C1QA: variants seen among roughly 807,000 people sequenced by gnomAD.
The protein encoded by C1QA is complement C1q A chain.
C1QA carries 3 observed loss-of-function variants against 6.9 expected under a neutral mutation model. The ratio of observed to expected loss-of-function variants is 0.44; its 90% confidence interval spans 0.20 to 1.12. The LOEUF (loss-of-function observed/expected upper bound fraction) is 1.12, where lower values mean the gene tolerates loss of function less well. Among genes scored for constraint, C1QA ranks in the 50% most tolerant of loss-of-function variants. C1QA has a pLI of 0.27. For synonymous variants in C1QA, 128 were observed against 134.1 expected (o/e 0.95, Z 0.31); for missense variants, 273 against 326.6 (o/e 0.84, Z 1.26).
At position 22,639,069 on chromosome 1, in the gene C1QA, G is replaced by A. The variant is rs774674695; in HGVS notation, c.400G>A (p.Asp134Asn). ...AATGGGGGGCAACGTGGTCATCTTCGACACGGTCATCACCAACCAGGAAGA... is the reference window on the plus strand; with the variant it reads ...AATGGGGGGCAACGTGGTCATCTTCAACACGGTCATCACCAACCAGGAAGA... ...PPMGGNVVIF[D>N]TVITNQEEPY... is the part of the protein sequence containing the mutation. The change falls in exon 3 of 3, where the codon GAC becomes AAC. Residue 134 changes from aspartate (D) to asparagine (N), a missense_variant. Physicochemically the swap from Asp to Asn is conservative, Grantham distance 23. Transcript: ENST00000374642. This position sits in a 1 kb window ranked among gnomAD's most constrained non-coding sequence, Gnocchi z 4.6. 1.3e-5 allele frequency: 21 copies of A among 1,614,132 alleles called. No homozygotes were observed. Among genetic ancestry groups the A allele is most frequent in the Non-Finnish European group, 1.7e-5 (20 of 1,180,056 alleles).
rs774041017 is a variant in C1QA at position 22,638,811 on chromosome 1, A to C, written c.164-22A>C. 8 of 1,564,064 alleles carry C rather than the reference A, an allele frequency of 5.1e-6. No individual in the cohort carries two copies. The South Asian group carries it at 9.4e-5, about 18-fold the overall frequency. ...CAGTAGGCATTGGACTCTCACTTCCAATCTGGCATTTCTCCCCACAGGGGC... is the reference window on the plus strand; with the variant it reads ...CAGTAGGCATTGGACTCTCACTTCCCATCTGGCATTTCTCCCCACAGGGGC... On this transcript the variant is annotated intron_variant, in intron 2 of 2. Transcript: ENST00000374642.
In C1QA at chr1:22,639,587, A is replaced by C; in HGVS notation, c.*180A>C. 2 of 656,402 alleles carry C rather than the reference A, an allele frequency of 3.0e-6. No homozygotes were observed. The highest frequency in any genetic ancestry group is 5.2e-6 in the Non-Finnish European group (2 of 385,194). The allele number at this position is 656,402 out of a possible 1,614,324, so 40.7% of individuals were successfully genotyped here. Reference sequence around the variant, plus strand: ...TCTTAGACCTCTTCCTGGAATAAACATCTGTGTCTGTGTCTGCTGAACATG... The same window carrying C: ...TCTTAGACCTCTTCCTGGAATAAACCTCTGTGTCTGTGTCTGCTGAACATG... On this transcript the variant is annotated 3_prime_UTR_variant, in exon 3 of 3. Transcript: ENST00000374642. The surrounding 1 kb of genome is among the most constrained non-coding windows in gnomAD (Gnocchi z 4.6).
Position 22,637,173 on chromosome 1 carries a change from GTTAA to G in C1QA, c.-7-432_-7-429del, listed in dbSNP as rs1642193299. 6.6e-6 allele frequency among the ~76,000 whole-genome samples: 1 copy of G among 152,220 alleles called. No homozygotes were observed. Among genetic ancestry groups the G allele is most frequent in the South Asian group, 2.1e-4 (1 of 4,834 alleles). On this transcript the variant is annotated intron_variant, in intron 1 of 2. Coordinates refer to ENST00000374642, the MANE Select transcript of C1QA (RefSeq NM_015991.4). The surrounding 1 kb of genome is among the most constrained non-coding windows in gnomAD (Gnocchi z 4.4). ...AGCTCCACCATCTGGGTGAGCCAGTGTTAATTAAATAAGGAGCAGGCGCTCAATA... is the reference window on the plus strand; with the variant it reads ...AGCTCCACCATCTGGGTGAGCCAGTGTTAAATAAGGAGCAGGCGCTCAATA...
rs201074672 is a variant in C1QA at position 22,637,632 on chromosome 1, G to A, written c.16G>A (p.Gly6Arg). The A allele has an allele frequency of 2.2e-5, 35 of 1,614,112 alleles. No homozygotes were observed. The Admixed American group carries it at 5.8e-4, about 27-fold the overall frequency. The part of the protein sequence containing the change: MEGPR[G>R]WLVLCVLAIS... ...CAGAGGCATCATGGAGGGTCCCCGG[G>A]GATGGCTGGTGCTCTGTGTGCTGGC... Residue 6 changes from glycine to arginine, a missense_variant, in exon 2 of 3, where the codon GGA becomes AGA. Physicochemically the swap from Gly to Arg is moderately radical, Grantham distance 125. Transcript: ENST00000374642. This position sits in a 1 kb window ranked among gnomAD's most constrained non-coding sequence, Gnocchi z 4.4.
chr1:22,638,005 G>A (rs1178354642), intron 2 of C1QA, among the ~76,000 whole-genome samples: 2 of 152,134 alleles, frequency 1.3e-5, no homozygotes, highest in Admixed American at 6.5e-5. Context: ...CTCTTTCTTC[G>A]GCTTCACCTT....
chr1:22,637,493 G>T lies in C1QA; in HGVS notation c.-7-117G>T. 7.7e-7 allele frequency: 1 copy of T among 1,292,230 alleles called. No individual in the cohort carries two copies. Among genetic ancestry groups the T allele is most frequent in the Middle Eastern group, 2.2e-4 (1 of 4,494 alleles). The allele number at this position is 1,292,230 out of a possible 1,614,324, so 80.0% of individuals were successfully genotyped here. The stretch of plus-strand genomic sequence containing the variant: ...AGAGTGGACATTGAGAGCCCCAGAG[G>T]GTGCATGTGCACTTGGGGAGGACTG... On this transcript the variant is annotated intron_variant, in intron 1 of 2. Transcript: ENST00000374642. The surrounding 1 kb of genome is among the most constrained non-coding windows in gnomAD (Gnocchi z 4.4).
chr1:22,639,040 C>G lies in C1QA; in HGVS notation c.371C>G (p.Pro124Arg). The change falls in exon 3 of 3, where the codon CCC becomes CGC. Residue 124 changes from proline (P) to arginine (R), a missense_variant. Physicochemically the swap from Pro to Arg is moderately radical, Grantham distance 103. Transcript: ENST00000374642. This position sits in a 1 kb window ranked among gnomAD's most constrained non-coding sequence, Gnocchi z 4.6. ...RPAFSAIRRNPPMGGNVVIFD... is the reference protein window; with the variant it reads ...RPAFSAIRRNRPMGGNVVIFD... ...GCCTTCTCCGCCATTCGGCGGAACC[C>G]CCCAATGGGGGGCAACGTGGTCATC... is the stretch of plus-strand genomic sequence containing the variant. 1 of 1,614,222 alleles carries G rather than the reference C, an allele frequency of 6.2e-7. No homozygotes were observed. Among genetic ancestry groups the G allele is most frequent in the Non-Finnish European group, 8.5e-7 (1 of 1,180,030 alleles).
In C1QA at chr1:22,638,847, C is replaced by T. The variant is rs748582147; in HGVS notation, c.178C>T (p.Arg60Trp). Residue 60 changes from arginine to tryptophan, a missense_variant, in exon 3 of 3, where the codon CGG becomes TGG. Physicochemically the swap from Arg to Trp is moderately radical, Grantham distance 101 (BLOSUM62 -3). Transcript: ENST00000374642. ...TCTCCCCACAGGGGCCCCTGGCATCCGGACAGGCATCCAAGGCCTTAAAGG... is the reference window on the plus strand; with the variant it reads ...TCTCCCCACAGGGGCCCCTGGCATCTGGACAGGCATCCAAGGCCTTAAAGG... ...EQGEPGAPGIRTGIQGLKGDQ... is the reference protein window; with the variant it reads ...EQGEPGAPGIWTGIQGLKGDQ... 1.9e-4 allele frequency: 309 copies of T among 1,586,430 alleles called. No homozygotes were observed. The highest frequency in any genetic ancestry group is 2.5e-4 in the Non-Finnish European group (294 of 1,167,080).
At position 22,639,042 on chromosome 1, in the gene C1QA, C is replaced by G. The variant is rs746607173; in HGVS notation, c.373C>G (p.Pro125Ala). 3 of 1,614,240 alleles carry G rather than the reference C, an allele frequency of 1.9e-6. No individual in the cohort carries two copies. Among genetic ancestry groups the G allele is most frequent in the East Asian group, 2.2e-5 (1 of 44,874 alleles). Residue 125 changes from proline to alanine, a missense_variant, in exon 3 of 3, where the codon CCA (proline) becomes GCA (alanine). Physicochemically the swap from Pro to Ala is conservative, Grantham distance 27 (BLOSUM62 -1). Transcript: ENST00000374642. This position sits in a 1 kb window ranked among gnomAD's most constrained non-coding sequence, Gnocchi z 4.6. ...CTTCTCCGCCATTCGGCGGAACCCC[C>G]CAATGGGGGGCAACGTGGTCATCTT... ...PAFSAIRRNP[P>A]MGGNVVIFDT...
Position 22,639,478 on chromosome 1 carries a change from T to C in C1QA, c.*71T>C, listed in dbSNP as rs17883533. 964 of 1,549,452 alleles carry C rather than the reference T, an allele frequency of 6.2e-4. 2 individuals are homozygous for C. In the African/African-American group the frequency reaches 0.012, roughly 19 times the overall value. ...CTCCGCCTGTAAAATGGGGGCGCTA[T>C]TGCTTCAGCTGCTGAAGGGAGGGGG... On this transcript the variant is annotated 3_prime_UTR_variant, in exon 3 of 3. Coordinates refer to ENST00000374642, the MANE Select transcript of C1QA (RefSeq NM_015991.4). The surrounding 1 kb of genome is among the most constrained non-coding windows in gnomAD (Gnocchi z 4.6).
Position 22,636,649 on chromosome 1 carries a change from G to C in C1QA, c.-61G>C, listed in dbSNP as rs1009867895. On this transcript the variant is annotated 5_prime_UTR_variant, in exon 1 of 3. Coordinates refer to ENST00000374642, the MANE Select transcript of C1QA (RefSeq NM_015991.4). The stretch of plus-strand genomic sequence containing the variant: ...AGCCACTCCTGCTGGGCAGCCCACA[G>C]GGTCCCTGGGCGGAGGGCAGGAGCA... 6.6e-6 allele frequency: 1 copy of C among 152,492 alleles called. No homozygotes were observed. The highest frequency in any genetic ancestry group is 2.4e-5 in the African/African-American group (1 of 41,482). The allele number at this position is 152,492 out of a possible 1,614,324, so 9.4% of individuals were successfully genotyped here.
Position 22,639,599 on chromosome 1 carries a change from G to A in C1QA, c.*192G>A, listed in dbSNP as rs1356617251. On this transcript the variant is annotated 3_prime_UTR_variant, in exon 3 of 3. Transcript: ENST00000374642. The surrounding 1 kb of genome is among the most constrained non-coding windows in gnomAD (Gnocchi z 4.6). ...TCCTGGAATAAACATCTGTGTCTGTGTCTGCTGAACATGAGCTTCAGTTGC... is the reference window on the plus strand; with the variant it reads ...TCCTGGAATAAACATCTGTGTCTGTATCTGCTGAACATGAGCTTCAGTTGC... The A allele has an allele frequency of 2.0e-5, 13 of 635,720 alleles. No homozygotes were observed. The highest frequency in any genetic ancestry group is 3.3e-5 in the Non-Finnish European group (12 of 368,130). 39.4% of individuals were successfully genotyped at this position (635,720 alleles called of 1,614,324 possible).
rs528301944 is a variant in C1QA at position 22,638,881 on chromosome 1, G to A, written c.212G>A (p.Gly71Glu). Residue 71 changes from glycine to glutamate, a missense_variant, in exon 3 of 3, where the codon GGG (glycine) becomes GAG (glutamate). By Grantham distance (98) the Gly-to-Glu change is moderately conservative. Coordinates refer to ENST00000374642, the MANE Select transcript of C1QA (RefSeq NM_015991.4). ...TGIQGLKGDQ[G>E]EPGPSGNPGK... is the part of the protein sequence containing the mutation. ...ATCCAAGGCCTTAAAGGAGACCAGG[G>A]GGAACCTGGGCCCTCTGGAAACCCC... 2 of 1,595,846 alleles carry A rather than the reference G, an allele frequency of 1.3e-6. No individual in the cohort carries two copies. The highest frequency in any genetic ancestry group is 1.3e-5 in the African/African-American group (1 of 74,848).
In C1QA at chr1:22,637,032, G is replaced by A. The variant is rs1260568201; in HGVS notation, c.-8+330G>A. 2.6e-5 allele frequency among the ~76,000 whole-genome samples: 4 copies of A among 152,290 alleles called. No individual in the cohort carries two copies. Among genetic ancestry groups the A allele is most frequent in the Non-Finnish European group, 4.4e-5 (3 of 68,014 alleles). ...AGAGCTGGCAGTGGGACCCAGCAGA[G>A]GGGACTGTAGGGGCAGCCAGTCACC... On this transcript the variant is annotated intron_variant, in intron 1 of 2. Transcript: ENST00000374642. The surrounding 1 kb of genome is among the most constrained non-coding windows in gnomAD (Gnocchi z 4.4).
chr1:22,638,134 G>A (rs1642210555), intron 2 of C1QA, among the ~76,000 whole-genome samples: 1 of 152,226 alleles, frequency 6.6e-6, no homozygotes, highest in Admixed American at 6.5e-5. Flanking sequence ...AGACTCAGGA[G>A]CCACTGCCTT....
chr1:22,637,490 G>T lies in C1QA; in HGVS notation c.-7-120G>T. 7.9e-7 allele frequency: 1 copy of T among 1,271,192 alleles called. No homozygotes were observed. The allele number at this position is 1,271,192 out of a possible 1,614,324, so 78.7% of individuals were successfully genotyped here. A position where few individuals can be genotyped will look rare whatever the true frequency, so the allele number is the denominator to read the frequency against. On this transcript the variant is annotated intron_variant, in intron 1 of 2. Coordinates refer to ENST00000374642, the MANE Select transcript of C1QA (RefSeq NM_015991.4). The surrounding 1 kb of genome is among the most constrained non-coding windows in gnomAD (Gnocchi z 4.4). ...TTGAGAGTGGACATTGAGAGCCCCA[G>T]AGGGTGCATGTGCACTTGGGGAGGA... is the stretch of plus-strand genomic sequence containing the variant.
chr1:22,639,555 G>T lies in C1QA; in HGVS notation c.*148G>T. On this transcript the variant is annotated 3_prime_UTR_variant, in exon 3 of 3. Transcript: ENST00000374642. This position sits in a 1 kb window ranked among gnomAD's most constrained non-coding sequence, Gnocchi z 4.6. ...TGCCCCGTGACACATGCTCTAAGAA[G>T]CTCGTTTCTTAGACCTCTTCCTGGA... The T allele has an allele frequency of 1.2e-6, 1 of 830,916 alleles. No homozygotes were observed. Among genetic ancestry groups the T allele is most frequent in the Non-Finnish European group, 1.9e-6 (1 of 533,948 alleles). The allele number at this position is 830,916 out of a possible 1,614,324, so 51.5% of individuals were successfully genotyped here.
chr1:22,639,550 A>G lies in C1QA; in HGVS notation c.*143A>G, dbSNP rs1366270904. On this transcript the variant is annotated 3_prime_UTR_variant, in exon 3 of 3. Coordinates refer to ENST00000374642, the MANE Select transcript of C1QA (RefSeq NM_015991.4). The surrounding 1 kb of genome is among the most constrained non-coding windows in gnomAD (Gnocchi z 4.6). ...CTGGCTGCCCCGTGACACATGCTCTAAGAAGCTCGTTTCTTAGACCTCTTC... is the reference window on the plus strand; with the variant it reads ...CTGGCTGCCCCGTGACACATGCTCTGAGAAGCTCGTTTCTTAGACCTCTTC... 1 of 866,946 alleles carries G rather than the reference A, an allele frequency of 1.2e-6. No individual in the cohort carries two copies. The highest frequency in any genetic ancestry group is 1.8e-6 in the Non-Finnish European group (1 of 564,668). The allele number at this position is 866,946 out of a possible 1,614,324, so 53.7% of individuals were successfully genotyped here. A position where few individuals can be genotyped will look rare whatever the true frequency, so the allele number is the denominator to read the frequency against.
chr1:22,638,710 C>A, intron 2 of C1QA, 123 bp from the exon 3 acceptor site: 1 of 1,072,998 alleles, frequency 9.3e-7, no homozygotes, highest in Non-Finnish European at 1.4e-6. Flanking sequence ...CAATCAGAAT[C>A]GATGTCCTGA....
Sources: allele counts gnomAD v4.1 joint callset (sites outside exome capture counted in the v4.1 genomes callset), GRCh38; gene constraint gnomAD v4.1.1; non-coding constraint Gnocchi (gnomAD v3.1); transcripts MANE v1.5; gene names NCBI Gene and HGNC (gene_info 2026-07-23, HGNC 2026-07-21).